ADAMTS13: variants seen among roughly 807,000 people sequenced by gnomAD.
The protein encoded by ADAMTS13 is ADAM metallopeptidase with thrombospondin type 1 motif 13, also known as A disintegrin and metalloproteinase with thrombospondin motifs 13.
Under a neutral mutation model 155.1 loss-of-function variants are expected in ADAMTS13, and 110 were observed. That is an observed-to-expected ratio of 0.71 (90% CI 0.61 to 0.83). ADAMTS13 has a LOEUF of 0.83. ADAMTS13 is among the 40% of genes least tolerant of loss of function. ADAMTS13 has a pLI of 0.00. For missense variants in ADAMTS13, 1,707 were observed against 1,891.7 expected (o/e 0.90, Z 1.81); for synonymous variants, 758 against 756.4 (o/e 1.00, Z -0.03).
chr9:133,427,321 A>C (rs1840352526), intron 6 of ADAMTS13, among the ~76,000 whole-genome samples: 1 of 152,230 alleles, frequency 6.6e-6, no homozygotes, highest in Non-Finnish European at 1.5e-5. Flanking sequence ...ATTTACCTAG[A>C]GTGATGGGTT....
intron 5 of ADAMTS13, 23 bp downstream of exon 5, chr9:133,426,085 G>A: frequency 1.9e-6 from 3 of 1,613,932 alleles, no homozygotes; most frequent in Non-Finnish European, 1.7e-6. Context: ...TCTGATGGGT[G>A]CTGGCCAGCC....
chr9:133,456,319 AC>A lies in ADAMTS13; in HGVS notation c.3547+106del. ...CTGGCAGGAGCCCATGTGCATTCCC[AC>A]CTGTAGTTTGCATCCCATCTCATGA... On this transcript the variant is annotated intron_variant, in intron 26 of 28. Coordinates refer to ENST00000355699, the MANE Select transcript of ADAMTS13 (RefSeq NM_139027.6). The surrounding 1 kb of genome is among the most constrained non-coding windows in gnomAD (Gnocchi z 4.4). The A allele has an allele frequency of 6.4e-7, 1 of 1,557,684 alleles. No individual in the cohort carries two copies. The highest frequency in any genetic ancestry group is 8.7e-7 in the Non-Finnish European group (1 of 1,143,578).
chr9:133,446,214 T>G (rs904760663), intron 21 of ADAMTS13, among the ~76,000 whole-genome samples: 3 of 152,184 alleles, frequency 2.0e-5, no homozygotes, highest in Non-Finnish European at 4.4e-5. Flanking sequence ...TCCAAACTGT[T>G]TCTCCCTGTG....
Position 133,425,923 on chromosome 9 carries a change from G to A in ADAMTS13, c.415-15G>A. 1 of 1,613,144 alleles carries A rather than the reference G, an allele frequency of 6.2e-7. No individual in the cohort carries two copies. The highest frequency in any genetic ancestry group is 8.5e-7 in the Non-Finnish European group (1 of 1,180,012). Reference sequence around the variant, plus strand: ...TTGGGGTGTCCTAAATGCAGGCTTTGCTGTGGGTCCGCAGGGTGCTCCAAA... The same window carrying A: ...TTGGGGTGTCCTAAATGCAGGCTTTACTGTGGGTCCGCAGGGTGCTCCAAA... On this transcript the variant is annotated splice_polypyrimidine_tract_variant and intron_variant, in intron 4 of 28. Coordinates refer to ENST00000355699, the MANE Select transcript of ADAMTS13 (RefSeq NM_139027.6). This position sits in a 1 kb window ranked among gnomAD's most constrained non-coding sequence, Gnocchi z 4.6.
chr9:133,417,574 G>C (rs369600656), upstream of ADAMTS13: 2,150 of 1,587,046 alleles, frequency 1.4e-3, 11 homozygotes, highest in Middle Eastern at 8.4e-3. Context: ...CGCGTTCTGC[G>C]GGAATGAGCT....
chr9:133,424,174 T>C lies in ADAMTS13; in HGVS notation c.173-147T>C, dbSNP rs1415422376. The C allele has an allele frequency of 1.5e-6, 2 of 1,292,714 alleles. No homozygotes were observed. Among genetic ancestry groups the C allele is most frequent in the African/African-American group, 2.9e-5 (2 of 68,868 alleles). 80.1% of individuals were successfully genotyped at this position (1,292,714 alleles called of 1,614,324 possible). The stretch of plus-strand genomic sequence containing the variant: ...TGCCCTTTGCGTGCCTAGTCACTAA[T>C]GGGGTCTGGCTCTTGGGGTGGGGGT... On this transcript the variant is annotated intron_variant, in intron 2 of 28. Transcript: ENST00000355699. The surrounding 1 kb of genome is among the most constrained non-coding windows in gnomAD (Gnocchi z 4.3).
chr9:133,441,808 G>A lies in ADAMTS13; in HGVS notation c.1969-591G>A, dbSNP rs1841691996. 2.0e-5 allele frequency among the ~76,000 whole-genome samples: 3 copies of A among 152,190 alleles called. No homozygotes were observed. The highest frequency in any genetic ancestry group is 3.8e-4 in the East Asian group (2 of 5,196). On this transcript the variant is annotated intron_variant, in intron 16 of 28. Transcript: ENST00000355699. The surrounding 1 kb of genome is among the most constrained non-coding windows in gnomAD (Gnocchi z 5.0). ...CAGTTTCTTCCTGCCGACCCTACGG[G>A]CCTCAGCTCTGGCTCCAGAAGCACT... is the stretch of plus-strand genomic sequence containing the variant.
At chr9:133,427,216 T>C (rs1840346683) in intron 6 of ADAMTS13, among the ~76,000 whole-genome samples, 1 of 152,196 alleles carries the variant, frequency 6.6e-6, no homozygotes, top group Admixed American at 6.5e-5. Flanking sequence ...ATTTAATCAG[T>C]CCCCTCTTCT....
intron 12 of ADAMTS13, 53 bp from the exon 13 acceptor site, chr9:133,437,696 G>T: frequency 1.2e-6 from 2 of 1,611,170 alleles, no homozygotes; most frequent in South Asian, 2.2e-5. Context: ...GGGGCTGGGG[G>T]ACTTGCCCCT....
At chr9:133,416,992 C>A (rs1323779511) in intron 1 of ADAMTS13, among the ~76,000 whole-genome samples, 3 of 152,208 alleles carry the variant, frequency 2.0e-5, no homozygotes, top group African/African-American at 7.2e-5. Context: ...CCCTGTCTTG[C>A]TACACAGACC....
At chr9:133,420,282 G>C (rs587614335), upstream of ADAMTS13, among the ~76,000 whole-genome samples, 3 of 152,002 alleles carry the variant, frequency 2.0e-5, no homozygotes, top group Non-Finnish European at 4.4e-5. Flanking sequence ...CTCATGATCC[G>C]CGTGCCTCGT....
chr9:133,451,138 A>G (rs1409542985), intron 23 of ADAMTS13, among the ~76,000 whole-genome samples: 2 of 152,240 alleles, frequency 1.3e-5, no homozygotes, highest in South Asian at 2.1e-4. Flanking sequence ...TTTTTAGTAA[A>G]GAAATACTTT....
chr9:133,458,207 G>A lies in ADAMTS13; in HGVS notation c.3909+113G>A, dbSNP rs1185314766. On this transcript the variant is annotated intron_variant, in intron 28 of 28. Transcript: ENST00000355699. Reference sequence around the variant, plus strand: ...CAGACTAAAACCCTCAAAATCATTAGTGAAAGAATGGGAGAAGATAGCTTC... The same window carrying A: ...CAGACTAAAACCCTCAAAATCATTAATGAAAGAATGGGAGAAGATAGCTTC... 3.9e-6 allele frequency: 5 copies of A among 1,268,052 alleles called. No homozygotes were observed. In the African/African-American group the frequency reaches 7.5e-5, roughly 19 times the overall value. 78.6% of individuals were successfully genotyped at this position (1,268,052 alleles called of 1,614,324 possible).
At chr9:133,427,127 T>C (rs1008871090) in intron 6 of ADAMTS13, among the ~76,000 whole-genome samples, 1 of 152,216 alleles carries the variant, frequency 6.6e-6, no homozygotes, top group African/African-American at 2.4e-5. Context: ...CTAGGGTAAG[T>C]GCAGGATTTA....
Position 133,424,427 on chromosome 9 carries a change from C to A in ADAMTS13, c.279C>A (p.Phe93Leu). 1.2e-6 allele frequency: 2 copies of A among 1,613,866 alleles called. No individual in the cohort carries two copies. Among genetic ancestry groups the A allele is most frequent in the Non-Finnish European group, 1.7e-6 (2 of 1,179,994 alleles). ...ELLVAVGPDV[F>L]QAHQEDTERY... is the part of the protein sequence containing the mutation. The stretch of plus-strand genomic sequence containing the variant: ...TGGTGGCCGTGGGCCCCGATGTCTT[C>A]CAGGCTCACCAGGAGGACACAGAGC... Residue 93 changes from phenylalanine to leucine, a missense_variant, in exon 3 of 29, where the codon TTC (phenylalanine) becomes TTA (leucine). By Grantham distance (22) the Phe-to-Leu change is conservative. Around this residue, in one of 3 missense-constraint regions of ADAMTS13, gnomAD observed 733 missense variants for 749.6 expected, o/e 0.98. Coordinates refer to ENST00000355699, the MANE Select transcript of ADAMTS13 (RefSeq NM_139027.6). The surrounding 1 kb of genome is among the most constrained non-coding windows in gnomAD (Gnocchi z 4.3).
chr9:133,438,273 T>A lies in ADAMTS13; in HGVS notation c.1612T>A (p.Ser538Thr), dbSNP rs1554789688. 6.2e-7 allele frequency: 1 copy of A among 1,614,146 alleles called. No individual in the cohort carries two copies. Among genetic ancestry groups the A allele is most frequent in the Non-Finnish European group, 8.5e-7 (1 of 1,180,030 alleles). ...ATTTGGCTGTGATGGTAGGATGGAC[T>A]CCCAGCAGGTATGGGACAGGTGCCA... Reference protein sequence around the residue: ...RTFGCDGRMDSQQVWDRCQVC... With the variant: ...RTFGCDGRMDTQQVWDRCQVC... Residue 538 changes from serine to threonine, a missense_variant, in exon 14 of 29, where the codon TCC (serine) becomes ACC (threonine). Coordinates refer to ENST00000355699, the MANE Select transcript of ADAMTS13 (RefSeq NM_139027.6).
At chr9:133,450,671 C>G (rs1842381870) in intron 23 of ADAMTS13, among the ~76,000 whole-genome samples, 1 of 152,080 alleles carries the variant, frequency 6.6e-6, no homozygotes. Flanking sequence ...ATCGCTTGAA[C>G]CCGGGAGGCG....
upstream of ADAMTS13, chr9:133,417,483 C>G: frequency 1.1e-6 from 1 of 884,866 alleles, no homozygotes; most frequent in Non-Finnish European, 1.8e-6. Flanking sequence ...GGCCACCTTT[C>G]TTGTGAAAAG....
intron 11 of ADAMTS13, 48 bp from the exon 12 acceptor site, chr9:133,436,781 C>CTGGG: frequency 2.2e-6 from 1 of 456,514 alleles, no homozygotes; most frequent in Non-Finnish European, 4.4e-6. Flanking sequence ...TGACAACACC[C>CTGGG]GCCCCCCGCC....
Sources: allele counts gnomAD v4.1 joint callset (sites outside exome capture counted in the v4.1 genomes callset), GRCh38; gene constraint gnomAD v4.1.1; regional missense constraint gnomAD v4.1.1; non-coding constraint Gnocchi (gnomAD v3.1); transcripts MANE v1.5; gene names NCBI Gene and HGNC (gene_info 2026-07-23, HGNC 2026-07-21).